The following MEIKIN variants were observed in gnomAD, a reference collection of about 807,000 sequenced individuals.
MEIKIN encodes meiosis-specific kinetochore protein.
At chr5:131,917,304 G>A (rs1053781526) in intron 6 of MEIKIN, among the ~76,000 whole-genome samples, 6 of 151,958 alleles carry the variant, frequency 3.9e-5, no homozygotes, top group East Asian at 1.9e-4. Context: ...AGTGGTTCAC[G>A]CCTGTAATCC....
rs1047383346 is a variant in MEIKIN, at chr5:131,811,504, G to A, written c.1100-4246C>T. ...GTATTTTTAGTAGAGACAGGGTTTC[G>A]CCATGTTGGCTAGGCTGTTCTCGAA... On this transcript the variant is annotated intron_variant, in intron 12 of 12. Coordinates refer to ENST00000442687, the MANE Select transcript of MEIKIN (RefSeq NM_001303622.2). 1.3e-4 allele frequency among the ~76,000 whole-genome samples: 20 copies of A among 151,698 alleles called. No homozygotes were observed. The East Asian group carries it at 2.9e-3, about 22-fold the overall frequency.
In MEIKIN at chr5:131,865,313, C is replaced by T. The variant is rs186726828; in HGVS notation, c.775-10479G>A. ...CCACTCACTGCAAGCTCCGCCTCCT[C>T]GGTTCATGCCATTCTCCTGCCTCAG... On this transcript the variant is annotated intron_variant, in intron 9 of 12. Coordinates refer to ENST00000442687, the MANE Select transcript of MEIKIN (RefSeq NM_001303622.2). Among the ~76,000 whole-genome samples, 327 of 152,078 alleles carry T rather than the reference C, an allele frequency of 2.2e-3. 1 individual carries two copies. The highest frequency in any genetic ancestry group is 3.6e-3 in the Non-Finnish European group (242 of 67,986).
chr5:131,921,567 G>C (rs1234174527), intron 6 of MEIKIN, among the ~76,000 whole-genome samples: 1 of 151,690 alleles, frequency 6.6e-6, no homozygotes, highest in Non-Finnish European at 1.5e-5. Context: ...TGAGGCAGGA[G>C]AACTGCTTGA....
intron 11 of MEIKIN, among the ~76,000 whole-genome samples, chr5:131,821,636 T>C (rs1749507322): frequency 6.9e-6 from 1 of 145,042 alleles, no homozygotes; most frequent in South Asian, 2.2e-4. Context: ...CTGCCTTTTT[T>C]TTTTTTTTTT....
At chr5:131,893,038 T>C (rs1446162939) in intron 8 of MEIKIN, among the ~76,000 whole-genome samples, 2 of 152,208 alleles carry the variant, frequency 1.3e-5, no homozygotes, top group East Asian at 3.9e-4. Context: ...CAGATATTGG[T>C]GAACCACAAA....
chr5:131,868,079 A>T (rs897198005), intron 9 of MEIKIN, among the ~76,000 whole-genome samples: 3 of 152,154 alleles, frequency 2.0e-5, no homozygotes, highest in Admixed American at 1.3e-4. Flanking sequence ...GTGTAATAAT[A>T]ACTCGCTGTT....
intron 11 of MEIKIN, among the ~76,000 whole-genome samples, chr5:131,833,546 C>T (rs1749748492): frequency 6.6e-6 from 1 of 152,128 alleles, no homozygotes; most frequent in South Asian, 2.1e-4. Flanking sequence ...CTAACAGTTC[C>T]ACATGGCTTG....
rs1192871811 is a variant in MEIKIN, at chr5:131,849,557, T to G, written c.975+1707A>C. ...TATATATATAAAGAAACCTCTTTTC[T>G]TTATATATATAAAGAAACCTCTTTT... On this transcript the variant is annotated intron_variant, in intron 11 of 12. Coordinates refer to ENST00000442687, the MANE Select transcript of MEIKIN (RefSeq NM_001303622.2). Among the ~76,000 whole-genome samples, 35 of 73,480 alleles carry G rather than the reference T, an allele frequency of 4.8e-4. 2 individuals carry two copies. The highest frequency in any genetic ancestry group is 9.2e-4 in the Admixed American group (6 of 6,546). The allele number at this position is 73,480 out of a possible 152,430, so 48.2% of individuals were successfully genotyped here. A position where few individuals can be genotyped will look rare whatever the true frequency, so the allele number is the denominator to read the frequency against.
At chr5:131,856,818 A>C (rs1230513470) in intron 9 of MEIKIN, among the ~76,000 whole-genome samples, 1 of 151,478 alleles carries the variant, frequency 6.6e-6, no homozygotes, top group Non-Finnish European at 1.5e-5. Context: ...AATCTTCCCA[A>C]TCAGTACATA....
At chr5:131,874,244 G>A (rs1006692492) in intron 9 of MEIKIN, among the ~76,000 whole-genome samples, 6 of 152,066 alleles carry the variant, frequency 3.9e-5, no homozygotes, top group African/African-American at 7.2e-5. Context: ...TTGACAGACC[G>A]CTAGCAAGAC....
intron 11 of MEIKIN, among the ~76,000 whole-genome samples, chr5:131,833,998 A>G (rs1221152362): frequency 2.0e-5 from 3 of 152,196 alleles, no homozygotes; most frequent in African/African-American, 7.2e-5. Flanking sequence ...GACACACTCT[A>G]CCTACCTAAG....
At chr5:131,813,948 C>G (rs1177688094) in intron 12 of MEIKIN, among the ~76,000 whole-genome samples, 1 of 152,114 alleles carries the variant, frequency 6.6e-6, no homozygotes, top group Non-Finnish European at 1.5e-5. Flanking sequence ...AGTCCCAAAG[C>G]TGAAAAACTT....
intron 8 of MEIKIN, among the ~76,000 whole-genome samples, chr5:131,892,766 G>T (rs943167585): frequency 6.6e-6 from 1 of 152,028 alleles, no homozygotes; most frequent in Admixed American, 6.5e-5. Flanking sequence ...GAGGAGCTGC[G>T]TTCCTTTGGA....
intron 11 of MEIKIN, among the ~76,000 whole-genome samples, chr5:131,832,855 C>T (rs1159833486): frequency 6.6e-6 from 1 of 152,264 alleles, no homozygotes; most frequent in Admixed American, 6.5e-5. Context: ...GGGCACCAAG[C>T]CTCTAGGCTG....
At chr5:131,839,082 T>A (rs1029606991) in intron 11 of MEIKIN, among the ~76,000 whole-genome samples, 1 of 152,250 alleles carries the variant, frequency 6.6e-6, no homozygotes, top group Non-Finnish European at 1.5e-5. Context: ...AAAGAACTTC[T>A]TGATTTCTGC....
At chr5:131,828,824 C>T (rs954787252) in intron 11 of MEIKIN, among the ~76,000 whole-genome samples, 5 of 152,138 alleles carry the variant, frequency 3.3e-5, no homozygotes, top group African/African-American at 9.6e-5. Flanking sequence ...TAAAAGTCTT[C>T]ATGCACTCAG....
At chr5:131,865,243 G>T (rs1750362638) in intron 9 of MEIKIN, among the ~76,000 whole-genome samples, 1 of 150,418 alleles carries the variant, frequency 6.6e-6, no homozygotes, top group African/African-American at 2.4e-5. Flanking sequence ...TTTTTTAGAT[G>T]GAGTCATGCT....
At chr5:131,889,251 G>C (rs1247684767) in intron 8 of MEIKIN, among the ~76,000 whole-genome samples, 1 of 152,168 alleles carries the variant, frequency 6.6e-6, no homozygotes, top group African/African-American at 2.4e-5. Context: ...TGTGAAGAAA[G>C]TCATTGGTAG....
chr5:131,914,900 A>C (rs1450958163), intron 7 of MEIKIN, among the ~76,000 whole-genome samples: 2 of 152,120 alleles, frequency 1.3e-5, no homozygotes, highest in Non-Finnish European at 2.9e-5. Flanking sequence ...GAAGAGATGA[A>C]GAGAAAGTCA....
Sources: gnomAD v4.1 joint callset for allele counts (sites outside exome capture counted in the v4.1 genomes callset) on GRCh38, gnomAD v4.1.1 for gene constraint, MANE v1.5 for transcripts, NCBI Gene and HGNC (gene_info 2026-07-23, HGNC 2026-07-21) for gene names.